The following THEMIS variants were observed in gnomAD, a reference collection of about 807,000 sequenced individuals.
The protein encoded by THEMIS is thymocyte selection associated.
THEMIS carries 37 observed loss-of-function variants against 52.6 expected under a neutral mutation model. The observed-to-expected ratio is 0.70, with a 90% CI of 0.54 to 0.93. The LOEUF (loss-of-function observed/expected upper bound fraction) is 0.93, where lower values mean the gene tolerates loss of function less well. THEMIS is among the 40% of genes least tolerant of loss of function. The pLI, the probability that THEMIS is intolerant of heterozygous loss-of-function variation, is 0.00. For missense variants in THEMIS, 808 were observed against 763.1 expected (o/e 1.06, Z -0.69); for synonymous variants, 292 against 272.7 (o/e 1.07, Z -0.70).
chr6:127,877,980 A>G (rs1177514240), intron 1 of THEMIS, among the ~76,000 whole-genome samples: 4 of 152,232 alleles, frequency 2.6e-5, no homozygotes, highest in Non-Finnish European at 5.9e-5. Flanking sequence ...AGATACACTA[A>G]TCAGAAATAA....
At chr6:127,901,117 G>C (rs1009839668), upstream of THEMIS, 166 of 586,720 alleles carry the variant, frequency 2.8e-4, 4 homozygotes, top group Non-Finnish European at 2.4e-4. Context: ...GAGGGGGGAA[G>C]CAGGAGACAA....
intron 2 of THEMIS, among the ~76,000 whole-genome samples, chr6:127,851,616 C>T (rs1170169816): frequency 6.6e-6 from 1 of 151,744 alleles, no homozygotes; most frequent in African/African-American, 2.4e-5. Flanking sequence ...GCCATCAGGG[C>T]ATTGCAAATT....
intron 4 of THEMIS, among the ~76,000 whole-genome samples, chr6:127,744,753 A>G (rs530852414): frequency 1.4e-4 from 21 of 152,094 alleles, no homozygotes; most frequent in Middle Eastern, 6.8e-3. Context: ...TATATGCTCT[A>G]CAATATAGTG....
At chr6:127,754,872 T>A (rs1320713155) in intron 4 of THEMIS, among the ~76,000 whole-genome samples, 1 of 152,180 alleles carries the variant, frequency 6.6e-6, no homozygotes, top group African/African-American at 2.4e-5. Flanking sequence ...ATAAATTATC[T>A]ATTGATCATT....
intron 4 of THEMIS, among the ~76,000 whole-genome samples, chr6:127,803,971 A>G (rs1461410882): frequency 6.6e-6 from 1 of 152,178 alleles, no homozygotes; most frequent in Admixed American, 6.5e-5. Context: ...GCAGATTTTA[A>G]CAGAAAAATA....
intron 5 of THEMIS, among the ~76,000 whole-genome samples, chr6:127,717,030 C>G (rs1459023309): frequency 6.6e-6 from 1 of 151,872 alleles, no homozygotes; most frequent in Admixed American, 6.6e-5. Context: ...ACTGAAAGAT[C>G]CATAACATCA....
intron 1 of THEMIS, among the ~76,000 whole-genome samples, chr6:127,877,935 AG>A (rs1213807099): frequency 6.6e-6 from 1 of 152,204 alleles, no homozygotes; most frequent in Non-Finnish European, 1.5e-5. Context: ...TTTTAACCAC[AG>A]GGAAAGGATC....
intron 4 of THEMIS, among the ~76,000 whole-genome samples, chr6:127,748,215 C>G (rs1775515383): frequency 6.6e-6 from 1 of 152,030 alleles, no homozygotes; most frequent in Admixed American, 6.6e-5. Flanking sequence ...TATAACAGTA[C>G]CTGAGACTGG....
At chr6:127,715,303 A>G (rs1323688354) in intron 5 of THEMIS, among the ~76,000 whole-genome samples, 1 of 151,968 alleles carries the variant, frequency 6.6e-6, no homozygotes, top group Non-Finnish European at 1.5e-5. Flanking sequence ...TTTTTAAATC[A>G]TTGGTTAAAA....
chr6:127,756,788 T>C (rs1435268977), intron 4 of THEMIS, among the ~76,000 whole-genome samples: 1 of 152,244 alleles, frequency 6.6e-6, no homozygotes, highest in Non-Finnish European at 1.5e-5. Context: ...CAATTATTTA[T>C]ATCCTAATAA....
chr6:127,832,636 G>A (rs1778733454), intron 2 of THEMIS, among the ~76,000 whole-genome samples: 1 of 151,986 alleles, frequency 6.6e-6, no homozygotes, highest in Admixed American at 6.6e-5. Context: ...GGAAAAATAT[G>A]CTTTGTTATT....
chr6:127,758,460 T>C (rs1358640736), intron 4 of THEMIS, among the ~76,000 whole-genome samples: 7 of 147,816 alleles, frequency 4.7e-5, no homozygotes, highest in Non-Finnish European at 1.0e-4. Context: ...ATTATAAATA[T>C]TTAATACTAC....
chr6:127,710,052 G>A (rs376784519), intron 5 of THEMIS, 36 bp from the exon 6 acceptor site: 15 of 1,445,618 alleles, frequency 1.0e-5, no homozygotes, highest in Non-Finnish European at 1.4e-5. Context: ...TCAGAAATAA[G>A]TATTGAAAAT....
At chr6:127,722,053 G>C (rs1774381090) in intron 4 of THEMIS, among the ~76,000 whole-genome samples, 1 of 151,982 alleles carries the variant, frequency 6.6e-6, no homozygotes, top group Non-Finnish European at 1.5e-5. Context: ...CATCAGAATA[G>C]GTTCTGTATT....
At chr6:127,872,464 C>G (rs1780185885) in intron 1 of THEMIS, among the ~76,000 whole-genome samples, 1 of 152,050 alleles carries the variant, frequency 6.6e-6, no homozygotes, top group African/African-American at 2.4e-5. Flanking sequence ...CCCAGTTACT[C>G]AGGAGGCTGA....
intron 2 of THEMIS, among the ~76,000 whole-genome samples, chr6:127,845,978 C>T (rs1323083672): frequency 1.3e-5 from 2 of 151,854 alleles, no homozygotes; most frequent in South Asian, 4.1e-4. Context: ...CTACCTGAGC[C>T]CAAATTCAAG....
downstream of THEMIS, chr6:127,708,025 C>T (rs1045701767): frequency 6.6e-6 from 1 of 152,038 alleles, no homozygotes; most frequent in African/African-American, 2.4e-5. Context: ...CACTGTAAGT[C>T]CATAGGGGAT....
chr6:127,823,349 C>A lies in THEMIS; in HGVS notation c.709+6127G>T, dbSNP rs191423709. Among the ~76,000 whole-genome samples the A allele has an allele frequency of 2.3e-4, 35 of 152,130 alleles. 1 individual carries two copies. The highest frequency in any genetic ancestry group is 9.2e-4 in the Admixed American group (14 of 15,294). ...AATATAAATGATATAAACTTTGGTA[C>A]CATGAAGTTCATATTTTCCTTAGCT... On this transcript the variant is annotated intron_variant, in intron 3 of 5. Transcript: ENST00000368248.
At chr6:127,794,702 C>T (rs1030258924) in intron 4 of THEMIS, among the ~76,000 whole-genome samples, 1 of 152,164 alleles carries the variant, frequency 6.6e-6, no homozygotes, top group African/African-American at 2.4e-5. Flanking sequence ...CTTACCAATT[C>T]ATGTCTTTGT....
Sources: allele counts gnomAD v4.1 joint callset (sites outside exome capture counted in the v4.1 genomes callset), GRCh38; gene constraint gnomAD v4.1.1; transcripts MANE v1.5; gene names NCBI Gene and HGNC (gene_info 2026-07-23, HGNC 2026-07-21).